The following CLNK variants were observed in gnomAD, a reference collection of about 807,000 sequenced individuals.
CLNK encodes the protein cytokine dependent hematopoietic cell linker.
CLNK carries 74 observed loss-of-function variants against 68.6 expected under a neutral mutation model. The ratio of observed to expected loss-of-function variants is 1.08; its 90% CI spans 0.89 to 1.31. The LOEUF (loss-of-function observed/expected upper bound fraction) is 1.31. Ranked by LOEUF, CLNK falls within the 50% of genes most tolerant of loss-of-function variation. The pLI is 0.00. For synonymous variants in CLNK, 198 were observed against 172.2 expected, an observed-to-expected ratio of 1.15 and a Z score of -1.17; for missense variants, 553 against 515.3, an observed-to-expected ratio of 1.07 and a Z score of -0.71.
intron 13 of CLNK, 121 bp from the exon 14 acceptor site, chr4:10,526,043 T>C: frequency 1.6e-6 from 1 of 624,558 alleles, no homozygotes; most frequent in South Asian, 2.0e-5. Flanking sequence ...AGAAGGGGGC[T>C]CTTGATGGTC....
chr4:10,498,383 T>TCGGGAGGCTGAGG (rs1328071417), intron 18 of CLNK, among the ~76,000 whole-genome samples: 7 of 152,028 alleles, frequency 4.6e-5, no homozygotes, highest in Non-Finnish European at 8.8e-5. Context: ...TCCCCGCTAC[T>TCGGGAGGCTGAGG]CGGGAGGCTG....
At chr4:10,555,613 G>A (rs1366251018) in intron 8 of CLNK, among the ~76,000 whole-genome samples, 3 of 152,088 alleles carry the variant, frequency 2.0e-5, no homozygotes, top group Non-Finnish European at 4.4e-5. Context: ...GAATATGATT[G>A]CAAGAAAAAT....
intron 16 of CLNK, among the ~76,000 whole-genome samples, chr4:10,508,784 C>T (rs536688318): frequency 9.2e-5 from 14 of 152,234 alleles, no homozygotes; most frequent in Non-Finnish European, 1.6e-4. Flanking sequence ...AGTATAGACC[C>T]TAGTGAAGAT....
At chr4:10,684,081 T>A (rs1725181032) in intron 1 of CLNK, among the ~76,000 whole-genome samples, 1 of 152,226 alleles carries the variant, frequency 6.6e-6, no homozygotes, top group South Asian at 2.1e-4. Context: ...CTGGTAGAGA[T>A]GACTCCCGGC....
the CLNK span, among the ~76,000 whole-genome samples, chr4:10,717,206 T>C: frequency 1.3e-5 from 2 of 152,270 alleles, no homozygotes; most frequent in East Asian, 3.9e-4. Context: ...CATGTCAGTG[T>C]CTGTAAAGAC....
intron 2 of CLNK, among the ~76,000 whole-genome samples, chr4:10,628,067 C>T (rs1421554825): frequency 2.6e-5 from 4 of 152,214 alleles, no homozygotes; most frequent in East Asian, 3.9e-4. Context: ...TCCTGTGTAA[C>T]CCTCTTGGCC....
chr4:10,673,865 C>T (rs1452608772), intron 1 of CLNK, among the ~76,000 whole-genome samples: 1 of 152,200 alleles, frequency 6.6e-6, no homozygotes, highest in Non-Finnish European at 1.5e-5. Flanking sequence ...GAGTATGCAA[C>T]ATCTTCTTGC....
At position 10,579,157 on chromosome 4, in the gene CLNK, A is replaced by G. The variant is rs1414915297; in HGVS notation, c.112+5770T>C. On this transcript the variant is annotated intron_variant, in intron 4 of 18. Transcript: ENST00000226951. ...CAGTATTTGGGGAAAGAGGGCGTCA[A>G]GCTGATTTTACCCCAGTGTAATGAG... Among the ~76,000 whole-genome samples the G allele has an allele frequency of 2.6e-5, 4 of 152,278 alleles. No individual in the cohort carries two copies. The East Asian group carries it at 7.7e-4, about 29-fold the overall frequency.
At chr4:10,559,117 G>T (rs1719790622) in intron 7 of CLNK, among the ~76,000 whole-genome samples, 1 of 152,282 alleles carries the variant, frequency 6.6e-6, no homozygotes, top group African/African-American at 2.4e-5. Flanking sequence ...CTATTAAGGG[G>T]TACACAACTG....
intron 2 of CLNK, among the ~76,000 whole-genome samples, chr4:10,621,444 T>A (rs1185929440): frequency 1.3e-5 from 2 of 152,006 alleles, no homozygotes; most frequent in Non-Finnish European, 2.9e-5. Context: ...TCATTGGAGG[T>A]CTTTCCATTT....
chr4:10,639,262 C>A (rs1289645060), intron 2 of CLNK, among the ~76,000 whole-genome samples: 1 of 152,236 alleles, frequency 6.6e-6, no homozygotes, highest in African/African-American at 2.4e-5. Context: ...CCCAGCCAGC[C>A]TCTCCTGCTG....
chr4:10,510,294 T>C (rs1353348886), intron 16 of CLNK, among the ~76,000 whole-genome samples: 2 of 152,162 alleles, frequency 1.3e-5, no homozygotes, highest in Non-Finnish European at 2.9e-5. Context: ...AAAGGAATGT[T>C]TCATTTTGGC....
chr4:10,651,878 C>T (rs566108054), intron 2 of CLNK, among the ~76,000 whole-genome samples: 2 of 148,244 alleles, frequency 1.3e-5, no homozygotes, highest in East Asian at 4.0e-4. Context: ...ATGGAAATCA[C>T]AAAATAGTAA....
At chr4:10,604,209 A>G (rs1219701059) in intron 2 of CLNK, among the ~76,000 whole-genome samples, 2 of 152,220 alleles carry the variant, frequency 1.3e-5, no homozygotes, top group East Asian at 3.8e-4. Context: ...AAAGAATATC[A>G]TAGTTGAACA....
intron 2 of CLNK, among the ~76,000 whole-genome samples, chr4:10,652,387 A>T: frequency 6.7e-6 from 1 of 150,326 alleles, no homozygotes. Flanking sequence ...GTCTCAAAAA[A>T]AAAAAAAAAA....
At chr4:10,566,311 C>T (rs1720112731) in intron 5 of CLNK, among the ~76,000 whole-genome samples, 161 bp from the exon 6 acceptor site, 1 of 152,178 alleles carries the variant, frequency 6.6e-6, no homozygotes, top group Non-Finnish European at 1.5e-5. Flanking sequence ...AATTCTTGTG[C>T]TAGTGAGAAT....
chr4:10,729,828 C>T, the CLNK span, among the ~76,000 whole-genome samples: 5 of 152,120 alleles, frequency 3.3e-5, no homozygotes, highest in East Asian at 1.9e-4. Flanking sequence ...TACTTGACCA[C>T]GTTTCATTAA....
intron 2 of CLNK, among the ~76,000 whole-genome samples, chr4:10,665,219 G>A (rs981987032): frequency 5.3e-5 from 8 of 152,340 alleles, no homozygotes; most frequent in Middle Eastern, 3.4e-3. Context: ...CTGTAAAGCT[G>A]AAATCACAAA....
intron 8 of CLNK, among the ~76,000 whole-genome samples, chr4:10,543,810 T>C (rs1390854616): frequency 2.0e-5 from 3 of 152,236 alleles, no homozygotes; most frequent in Non-Finnish European, 2.9e-5. Flanking sequence ...AGGATTCACT[T>C]CTTTATATGA....
Sources: gnomAD v4.1 joint callset for allele counts (sites outside exome capture counted in the v4.1 genomes callset) on GRCh38, gnomAD v4.1.1 for gene constraint, MANE v1.5 for transcripts, NCBI Gene and HGNC (gene_info 2026-07-23, HGNC 2026-07-21) for gene names.